Variants in BMPR2 observed in about 807,000 individuals in gnomAD.
BMPR2 encodes bone morphogenetic protein receptor type 2, also known as bone morphogenetic protein receptor type-2.
Under a neutral mutation model 100.8 loss-of-function variants are expected in BMPR2, and 29 were observed. The observed-to-expected ratio is 0.29, with a 90% CI of 0.21 to 0.39. The LOEUF is 0.39. Ranked by LOEUF, BMPR2 falls within the 10% of genes least tolerant of loss-of-function variation. The probability of loss-of-function intolerance (pLI) is 1.00; values close to 1 mark genes in which losing one functional copy is unlikely to be tolerated. For synonymous variants in BMPR2, 382 were observed against 442.3 expected (o/e 0.86, Z 1.71); for missense variants, 1,011 against 1,274.5 (o/e 0.79, Z 3.15).
At chr2:202,426,568 CAAAAAAA>C (rs35528511) in intron 1 of BMPR2, among the ~76,000 whole-genome samples, 28 of 58,066 alleles carry the variant, frequency 4.8e-4, no homozygotes, top group East Asian at 4.2e-3. Context: ...GTCTCCGTCT[CAAAAAAA>C]AAAAAAAAAA....
Position 202,559,998 on chromosome 2 carries a change from CAGA to C in BMPR2, c.*56_*58del, listed in dbSNP as rs1559075715. On this transcript the variant is annotated 3_prime_UTR_variant, in exon 13 of 13. Coordinates refer to ENST00000374580, the MANE Select transcript of BMPR2 (RefSeq NM_001204.7). ...TTATTTTTTGCATCATTTAAACATG[CAGA>C]AGATGTTTAAAAATAAAAAAAAAAC... 4 of 1,606,706 alleles carry C rather than the reference CAGA, an allele frequency of 2.5e-6. No individual in the cohort carries two copies. The highest frequency in any genetic ancestry group is 3.4e-6 in the Non-Finnish European group (4 of 1,176,690).
chr2:202,474,092 G>A (rs183166100), intron 3 of BMPR2, among the ~76,000 whole-genome samples: 1 of 152,010 alleles, frequency 6.6e-6, no homozygotes, highest in South Asian at 2.1e-4. Context: ...GCGACAGAGC[G>A]AGACTCTGTC....
At position 202,429,634 on chromosome 2, in the gene BMPR2, A is replaced by G. The variant is rs1019182266; in HGVS notation, c.77-35175A>G. Reference sequence around the variant, plus strand: ...TGTATTAGTCCATTTTCACACTGCTATAAAGAACTTCCTTGAGACTGAGTA... The same window carrying G: ...TGTATTAGTCCATTTTCACACTGCTGTAAAGAACTTCCTTGAGACTGAGTA... On this transcript the variant is annotated intron_variant, in intron 1 of 12. Coordinates refer to ENST00000374580, the MANE Select transcript of BMPR2 (RefSeq NM_001204.7). Among the ~76,000 whole-genome samples the G allele has an allele frequency of 2.0e-5, 3 of 152,208 alleles. No homozygotes were observed. The East Asian group carries it at 5.8e-4, about 29-fold the overall frequency.
intron 1 of BMPR2, among the ~76,000 whole-genome samples, chr2:202,410,872 C>T (rs1691000354): frequency 6.6e-6 from 1 of 152,104 alleles, no homozygotes; most frequent in African/African-American, 2.4e-5. Flanking sequence ...AGCCACTGCG[C>T]CCAGTCTTTT....
At chr2:202,446,154 A>G (rs1294298515) in intron 1 of BMPR2, among the ~76,000 whole-genome samples, 2 of 150,436 alleles carry the variant, frequency 1.3e-5, no homozygotes, top group African/African-American at 5.0e-5. Context: ...TAATCCCGGC[A>G]CTTTGGGAGG....
In BMPR2 at chr2:202,532,549, G is replaced by GTT; in HGVS notation, c.1129-35_1129-34dup. On this transcript the variant is annotated intron_variant, in intron 8 of 12. Coordinates refer to ENST00000374580, the MANE Select transcript of BMPR2 (RefSeq NM_001204.7). The surrounding 1 kb of genome is among the most constrained non-coding windows in gnomAD (Gnocchi z 4.1). Reference sequence around the variant, plus strand: ...ATGTCTGTTCTTCAGAATATGCTACGTTCTCTCTCTAAAAAATATCACTCT... The same window carrying GTT: ...ATGTCTGTTCTTCAGAATATGCTACGTTTTCTCTCTCTAAAAAATATCACTCT... The GTT allele has an allele frequency of 6.2e-7, 1 of 1,607,288 alleles. No individual in the cohort carries two copies. Among genetic ancestry groups the GTT allele is most frequent in the African/African-American group, 1.3e-5 (1 of 74,886 alleles).
intron 1 of BMPR2, among the ~76,000 whole-genome samples, chr2:202,421,954 G>A (rs1691271773): frequency 6.6e-6 from 1 of 152,178 alleles, no homozygotes; most frequent in South Asian, 2.1e-4. Context: ...CTATTGCCAG[G>A]CTGGAGTGCA....
intron 1 of BMPR2, among the ~76,000 whole-genome samples, chr2:202,391,768 CT>C (rs1034526873): frequency 1.2e-3 from 167 of 143,106 alleles, no homozygotes; most frequent in Non-Finnish European, 1.1e-3. Flanking sequence ...ACACTTTTTT[CT>C]TTTTTTTTTT....
intron 10 of BMPR2, among the ~76,000 whole-genome samples, chr2:202,544,832 AT>A (rs897243148): frequency 9.2e-5 from 12 of 130,638 alleles, no homozygotes; most frequent in Non-Finnish European, 1.5e-4. Flanking sequence ...TGGTGTGATC[AT>A]GGCTCACTGC....
At chr2:202,512,674 G>A (rs1687646055) in intron 3 of BMPR2, among the ~76,000 whole-genome samples, 1 of 152,132 alleles carries the variant, frequency 6.6e-6, no homozygotes, top group South Asian at 2.1e-4. Flanking sequence ...GATGCGATCT[G>A]ACCCACAGAA....
chr2:202,469,511 CT>C, intron 3 of BMPR2: 1 of 328,236 alleles, frequency 3.0e-6, no homozygotes, highest in South Asian at 2.5e-5. Flanking sequence ...CAGAATCTTG[CT>C]TTTGTCACCC....
At chr2:202,382,567 GT>G (rs1690327123) in intron 1 of BMPR2, among the ~76,000 whole-genome samples, 1 of 152,268 alleles carries the variant, frequency 6.6e-6, no homozygotes, top group South Asian at 2.1e-4. Context: ...TGTCTGATTA[GT>G]TTTATAATTT....
intron 9 of BMPR2, among the ~76,000 whole-genome samples, chr2:202,536,647 T>C (rs1010111655): frequency 2.0e-5 from 3 of 151,892 alleles, no homozygotes; most frequent in African/African-American, 7.2e-5. Flanking sequence ...CCGAGGCAAG[T>C]GTATCACCTG....
At chr2:202,506,600 G>A (rs1687524947) in intron 3 of BMPR2, among the ~76,000 whole-genome samples, 1 of 151,866 alleles carries the variant, frequency 6.6e-6, no homozygotes, top group Admixed American at 6.6e-5. Flanking sequence ...GAATTTGCAG[G>A]GCACATATTC....
rs1693018104 is a variant in BMPR2 at position 202,495,980 on chromosome 2, T to C, written c.419-17739T>C. Among the ~76,000 whole-genome samples, 1 of 152,234 alleles carries C rather than the reference T, an allele frequency of 6.6e-6. No homozygotes were observed. The highest frequency in any genetic ancestry group is 2.4e-5 in the African/African-American group (1 of 41,462). On this transcript the variant is annotated intron_variant, in intron 3 of 12. Transcript: ENST00000374580. The surrounding 1 kb of genome is among the most constrained non-coding windows in gnomAD (Gnocchi z 4.5). ...AGATCACTTATTTTTATTTTATAGT[T>C]TAATGTATTTTAGTAACAAACAGGA...
chr2:202,412,686 A>C (rs1288823422), intron 1 of BMPR2, among the ~76,000 whole-genome samples: 2 of 152,234 alleles, frequency 1.3e-5, no homozygotes, highest in Non-Finnish European at 2.9e-5. Context: ...AAATATAAGC[A>C]GGAATTTTTA....
intron 9 of BMPR2, among the ~76,000 whole-genome samples, chr2:202,540,671 G>T (rs1027270135): frequency 2.0e-5 from 3 of 152,052 alleles, no homozygotes; most frequent in African/African-American, 7.2e-5. Context: ...TTGTAATGTG[G>T]TTTCCATCTG....
chr2:202,401,477 G>A (rs907599466), intron 1 of BMPR2, among the ~76,000 whole-genome samples: 2 of 152,100 alleles, frequency 1.3e-5, no homozygotes, highest in Non-Finnish European at 2.9e-5. Context: ...ATGAATTTTG[G>A]AGATAATGAT....
intron 1 of BMPR2, among the ~76,000 whole-genome samples, chr2:202,387,121 C>T (rs192397023): frequency 6.6e-6 from 1 of 152,316 alleles, no homozygotes; most frequent in African/African-American, 2.4e-5. Flanking sequence ...CCTCATGTGC[C>T]AGCCTGTCTT....
Sources: allele counts gnomAD v4.1 joint callset (sites outside exome capture counted in the v4.1 genomes callset), GRCh38; gene constraint gnomAD v4.1.1; non-coding constraint Gnocchi (gnomAD v3.1); transcripts MANE v1.5; gene names NCBI Gene and HGNC (gene_info 2026-07-23, HGNC 2026-07-21).